The following FBXO4 variants were observed in gnomAD, a reference collection of about 807,000 sequenced individuals.
FBXO4 encodes the protein F-box protein 4.
In FBXO4, 36 loss-of-function variants were observed where a neutral mutation model predicts 43.7. The ratio of observed to expected loss-of-function variants is 0.82; its 90% CI spans 0.63 to 1.09. FBXO4 has a LOEUF of 1.09. Among genes scored for constraint, FBXO4 ranks in the 50% least tolerant of loss-of-function variants. The pLI, the probability that FBXO4 is intolerant of heterozygous loss-of-function variation, is 0.00. For synonymous variants in FBXO4, 180 were observed against 165.6 expected (o/e 1.09, Z -0.67); for missense variants, 435 against 474.1 (o/e 0.92, Z 0.77).
chr5:42,017,646 A>AAGTACCTGATGTTTAACTCCCACTTAT, the FBXO4 span, among the ~76,000 whole-genome samples: 2 of 148,900 alleles, frequency 1.3e-5, no homozygotes, highest in Non-Finnish European at 3.0e-5. Context: ...TTATGTCCAT[A>AAGTACCTGATGTTTAACTCCCACTTAT]AGTACCTGAT....
rs1486701026 is a variant in FBXO4, at chr5:41,925,498, G to T, written c.189G>T (p.Pro63=). ...DEAASTLTRL[P]IDVQLYILSF... ...CGGCCAGCACCCTGACGCGGCTGCCGGTGAGCGTCGGCCGCAGGCCGCGGA... is the reference window on the plus strand; with the variant it reads ...CGGCCAGCACCCTGACGCGGCTGCCTGTGAGCGTCGGCCGCAGGCCGCGGA... Residue 63 remains proline (P), a splice_region_variant and synonymous_variant, in exon 1 of 7, where the codon CCG becomes CCT. Coordinates refer to ENST00000281623, the MANE Select transcript of FBXO4 (RefSeq NM_012176.3). The T allele has an allele frequency of 6.9e-6, 9 of 1,307,618 alleles. No individual in the cohort carries two copies. Among genetic ancestry groups the T allele is most frequent in the African/African-American group, 1.5e-5 (1 of 64,746 alleles). The allele number at this position is 1,307,618 out of a possible 1,614,324, so 81.0% of individuals were successfully genotyped here.
chr5:41,926,094 G>T (rs566574831), intron 1 of FBXO4, among the ~76,000 whole-genome samples: 6 of 152,300 alleles, frequency 3.9e-5, no homozygotes, highest in African/African-American at 1.4e-4. Flanking sequence ...AAACTTTGGG[G>T]TAGATAGGTA....
chr5:41,995,883 A>G, the FBXO4 span, among the ~76,000 whole-genome samples: 3 of 152,342 alleles, frequency 2.0e-5, no homozygotes, highest in Admixed American at 1.3e-4. Flanking sequence ...AAAGTGCACA[A>G]CTAGTTGCAC....
At chr5:42,009,546 G>A in the FBXO4 span, among the ~76,000 whole-genome samples, 4 of 152,112 alleles carry the variant, frequency 2.6e-5, no homozygotes, top group African/African-American at 4.8e-5. Context: ...GAATCACAAT[G>A]GGCTAAGTGG....
At chr5:41,935,663 C>T (rs1751830526) in intron 5 of FBXO4, among the ~76,000 whole-genome samples, 1 of 152,232 alleles carries the variant, frequency 6.6e-6, no homozygotes, top group South Asian at 2.1e-4. Context: ...AGAAAGCCTG[C>T]AGCACTGAGG....
the FBXO4 span, among the ~76,000 whole-genome samples, chr5:42,001,505 T>A: frequency 6.6e-6 from 1 of 152,222 alleles, no homozygotes; most frequent in Non-Finnish European, 1.5e-5. Flanking sequence ...GTGCTGGGAT[T>A]ACAGGTGAGG....
rs1038696284 is a variant in FBXO4, at chr5:41,941,476, C to T, written c.*195C>T. The T allele has an allele frequency of 1.9e-5, 7 of 362,484 alleles. No individual in the cohort carries two copies. In the Admixed American group the frequency reaches 2.0e-4, roughly 11 times the overall value. The allele number at this position is 362,484 out of a possible 1,614,324, so 22.5% of individuals were successfully genotyped here. A position where few individuals can be genotyped will look rare whatever the true frequency, so the allele number is the denominator to read the frequency against. On this transcript the variant is annotated 3_prime_UTR_variant, in exon 7 of 7. Transcript: ENST00000281623. ...TCAATTACAAGAAAAGAGTTTCAGT[C>T]CTAGTATTTAGCCCCAAAATGAACC...
chr5:42,038,858 T>C, the FBXO4 span, among the ~76,000 whole-genome samples: 1 of 152,088 alleles, frequency 6.6e-6, no homozygotes, highest in South Asian at 2.1e-4. Context: ...AGTGAGAACA[T>C]GCAATATTTG....
chr5:41,993,111 C>G, the FBXO4 span, among the ~76,000 whole-genome samples: 1 of 152,196 alleles, frequency 6.6e-6, no homozygotes, highest in Non-Finnish European at 1.5e-5. Context: ...ACCACAGTAC[C>G]TTCTATCCTT....
rs766764697 is a variant in FBXO4, at chr5:41,933,998, T to C, written c.699T>C (p.Ile233=). 6.2e-7 allele frequency: 1 copy of C among 1,613,890 alleles called. No individual in the cohort carries two copies. Among genetic ancestry groups the C allele is most frequent in the Non-Finnish European group, 8.5e-7 (1 of 1,179,916 alleles). The part of the protein sequence containing the change: ...FQLNNQHKFN[I]LILYSTTRKE... ...TGAACAACCAACATAAATTCAACAT[T>C]CTAATCTTATATTCAACTACCAGGT... The change falls in exon 4 of 7, where the codon ATT becomes ATC. Residue 233 remains isoleucine (I), a synonymous_variant. Coordinates refer to ENST00000281623, the MANE Select transcript of FBXO4 (RefSeq NM_012176.3).
intron 2 of FBXO4, among the ~76,000 whole-genome samples, chr5:41,929,460 G>T (rs931461219): frequency 6.6e-6 from 1 of 152,106 alleles, no homozygotes; most frequent in Non-Finnish European, 1.5e-5. Context: ...CACTTCATGG[G>T]GGAAGAGTTC....
chr5:41,972,592 C>G, the FBXO4 span, among the ~76,000 whole-genome samples: 1 of 151,840 alleles, frequency 6.6e-6, no homozygotes, highest in Non-Finnish European at 1.5e-5. Context: ...CATATGGAAC[C>G]AAAAAAATAA....
At chr5:41,938,842 T>G (rs1165827378) in intron 5 of FBXO4, among the ~76,000 whole-genome samples, 1 of 152,220 alleles carries the variant, frequency 6.6e-6, no homozygotes, top group Non-Finnish European at 1.5e-5. Flanking sequence ...CCTATATTCC[T>G]TCCCATGTGA....
the FBXO4 span, among the ~76,000 whole-genome samples, chr5:42,020,644 CA>C: frequency 6.6e-6 from 1 of 152,174 alleles, no homozygotes; most frequent in South Asian, 2.1e-4. Flanking sequence ...CCCTGCTTAT[CA>C]GGAATTGCTG....
chr5:41,949,375 G>A, the FBXO4 span, among the ~76,000 whole-genome samples: 7 of 152,162 alleles, frequency 4.6e-5, no homozygotes, highest in Non-Finnish European at 7.4e-5. Flanking sequence ...CAAAGTCTCA[G>A]GATACAAAAT....
the FBXO4 span, among the ~76,000 whole-genome samples, chr5:41,997,574 A>G: frequency 2.6e-5 from 4 of 152,146 alleles, no homozygotes; most frequent in African/African-American, 9.7e-5. Context: ...GGTAAAAACC[A>G]CAGGATGAGT....
chr5:41,965,959 A>G, the FBXO4 span, among the ~76,000 whole-genome samples: 1 of 152,202 alleles, frequency 6.6e-6, no homozygotes, highest in African/African-American at 2.4e-5. Context: ...ATGGAATACT[A>G]TGCAGCCATT....
At chr5:41,956,975 G>A in the FBXO4 span, among the ~76,000 whole-genome samples, 8 of 151,996 alleles carry the variant, frequency 5.3e-5, no homozygotes, top group South Asian at 8.3e-4. Flanking sequence ...GCCTCCCAAA[G>A]TGCTGGGATT....
At chr5:41,975,867 AATGGCTC>A in the FBXO4 span, among the ~76,000 whole-genome samples, 1 of 152,152 alleles carries the variant, frequency 6.6e-6, no homozygotes, top group Non-Finnish European at 1.5e-5. Flanking sequence ...AGGAGATTTA[AATGGCTC>A]ATGGTTCTGT....
Sources: allele counts gnomAD v4.1 joint callset (sites outside exome capture counted in the v4.1 genomes callset), GRCh38; gene constraint gnomAD v4.1.1; transcripts MANE v1.5; gene names NCBI Gene and HGNC (gene_info 2026-07-23, HGNC 2026-07-21).